Variants in ARL6IP6 observed in about 807,000 individuals in gnomAD.
ARL6IP6 encodes ARF like GTPase 6 interacting protein 6, also known as ADP-ribosylation factor-like protein 6-interacting protein 6.
Under a neutral mutation model 21.5 loss-of-function variants are expected in ARL6IP6, and 22 were observed. That is an observed-to-expected ratio of 1.02 (90% CI 0.73 to 1.46). ARL6IP6 has a LOEUF of 1.46. Ranked by LOEUF, ARL6IP6 falls within the 40% of genes most tolerant of loss-of-function variation. The probability of loss-of-function intolerance (pLI) is 0.00; values close to 1 mark genes in which losing one functional copy is unlikely to be tolerated. For synonymous variants in ARL6IP6, 164 were observed against 125.3 expected (o/e 1.31, Z -2.06); for missense variants, 388 against 299.8 (o/e 1.29, Z -2.17).
At chr2:152,758,034 G>A (rs1384648102) in intron 3 of ARL6IP6, among the ~76,000 whole-genome samples, 1 of 152,102 alleles carries the variant, frequency 6.6e-6, no homozygotes, top group Admixed American at 6.6e-5. Context: ...AACTTTATTG[G>A]GTGAGTACAG....
At chr2:152,732,569 T>G (rs1238628489) in intron 2 of ARL6IP6, 1 of 458,598 alleles carries the variant, frequency 2.2e-6, no homozygotes, top group Admixed American at 2.5e-5. Flanking sequence ...CCTTATGCTG[T>G]AAGTTGCAAA....
chr2:152,722,921 A>G (rs1699861103), intron 2 of ARL6IP6, among the ~76,000 whole-genome samples: 2 of 152,278 alleles, frequency 1.3e-5, no homozygotes, highest in South Asian at 4.1e-4. Context: ...ACAAAACAAA[A>G]GATTGAGGTA....
intron 2 of ARL6IP6, among the ~76,000 whole-genome samples, chr2:152,730,628 G>A (rs528076663): frequency 6.6e-6 from 1 of 152,250 alleles, no homozygotes; most frequent in South Asian, 2.1e-4. Flanking sequence ...TGAGGTGCTA[G>A]AGGTGGATAC....
At position 152,760,381 on chromosome 2, in the gene ARL6IP6, T is replaced by C. The variant is rs1440993877; in HGVS notation, c.*541T>C. 6.6e-6 allele frequency: 1 copy of C among 152,306 alleles called. No homozygotes were observed. Among genetic ancestry groups the C allele is most frequent in the African/African-American group, 2.4e-5 (1 of 41,442 alleles). 9.4% of individuals were successfully genotyped at this position (152,306 alleles called of 1,614,324 possible). Reference sequence around the variant, plus strand: ...TTAATAGAAGTTGCATTTATATTTTTTATGGGGCATAGTTCCTTATGTGTT... The same window carrying C: ...TTAATAGAAGTTGCATTTATATTTTCTATGGGGCATAGTTCCTTATGTGTT... On this transcript the variant is annotated 3_prime_UTR_variant, in exon 4 of 4. Coordinates refer to ENST00000326446, the MANE Select transcript of ARL6IP6 (RefSeq NM_152522.7).
chr2:152,726,534 T>A (rs1225516143), intron 2 of ARL6IP6, among the ~76,000 whole-genome samples: 1 of 152,196 alleles, frequency 6.6e-6, no homozygotes, highest in Non-Finnish European at 1.5e-5. Flanking sequence ...AAAATAATGG[T>A]CATCCTCTCA....
intron 3 of ARL6IP6, among the ~76,000 whole-genome samples, chr2:152,754,624 T>C (rs781630706): frequency 2.6e-5 from 4 of 152,220 alleles, no homozygotes; most frequent in Non-Finnish European, 4.4e-5. Context: ...TGTTTAACTT[T>C]TTAAGAAACC....
upstream of ARL6IP6, chr2:152,717,987 A>T (rs989329736): frequency 6.1e-5 from 61 of 998,982 alleles, no homozygotes; most frequent in Non-Finnish European, 6.6e-5. Context: ...CGATCTCCGT[A>T]CGCACCAGGT....
At chr2:152,742,411 T>A (rs1031078331) in intron 3 of ARL6IP6, among the ~76,000 whole-genome samples, 8 of 151,642 alleles carry the variant, frequency 5.3e-5, no homozygotes, top group Admixed American at 2.0e-4. Context: ...CTACAAAAAA[T>A]TTTAAAAAGT....
intron 1 of ARL6IP6, chr2:152,720,102 T>TGAATGTGCATG: frequency 2.9e-6 from 1 of 344,844 alleles, no homozygotes. Flanking sequence ...TGCCCTTTTT[T>TGAATGTGCATG]GCAATTCTGA....
At chr2:152,729,181 T>C (rs1036481046) in intron 2 of ARL6IP6, among the ~76,000 whole-genome samples, 9 of 152,014 alleles carry the variant, frequency 5.9e-5, no homozygotes, top group Non-Finnish European at 1.0e-4. Flanking sequence ...ACCAGCCTAG[T>C]CAAGATGGTG....
At chr2:152,756,128 T>G (rs898913205) in intron 3 of ARL6IP6, among the ~76,000 whole-genome samples, 8 of 152,210 alleles carry the variant, frequency 5.3e-5, no homozygotes. Flanking sequence ...GTGCTTTTGT[T>G]GTCATATCTA....
At chr2:152,731,457 C>T (rs1297043366) in intron 2 of ARL6IP6, among the ~76,000 whole-genome samples, 1 of 152,166 alleles carries the variant, frequency 6.6e-6, no homozygotes, top group African/African-American at 2.4e-5. Context: ...ATTCGTAAGT[C>T]ATCTGCTAGG....
At chr2:152,742,748 A>T (rs1001690012) in intron 3 of ARL6IP6, among the ~76,000 whole-genome samples, 14 of 152,170 alleles carry the variant, frequency 9.2e-5, no homozygotes, top group African/African-American at 3.1e-4. Flanking sequence ...ATTTCTAGGG[A>T]TGTCTTAAGA....
At chr2:152,720,453 C>A in intron 1 of ARL6IP6, 80 bp from the exon 2 acceptor site, 1 of 1,400,656 alleles carries the variant, frequency 7.1e-7, no homozygotes, top group Non-Finnish European at 1.0e-6. Context: ...TCCACAGCTC[C>A]ACAATGCCTT....
intron 3 of ARL6IP6, among the ~76,000 whole-genome samples, chr2:152,751,815 T>C (rs1393030146): frequency 6.6e-6 from 1 of 152,214 alleles, no homozygotes; most frequent in East Asian, 1.9e-4. Context: ...TTGACTATTG[T>C]GAATGGTGCT....
At chr2:152,755,354 G>T (rs1701533938) in intron 3 of ARL6IP6, among the ~76,000 whole-genome samples, 1 of 152,052 alleles carries the variant, frequency 6.6e-6, no homozygotes, top group African/African-American at 2.4e-5. Context: ...TCCACCTCTT[G>T]TGGAGGGCCT....
At chr2:152,754,581 A>C (rs933696620) in intron 3 of ARL6IP6, among the ~76,000 whole-genome samples, 2 of 152,164 alleles carry the variant, frequency 1.3e-5, no homozygotes, top group Admixed American at 1.3e-4. Context: ...ATATATACCT[A>C]GAGTGGAATT....
rs755318004 is a variant in ARL6IP6, at chr2:152,718,719, C to T, written c.95C>T (p.Thr32Ile). The part of the protein sequence containing the change: ...PVARPSYSSF[T>I]QGDSWGEGEV... ...GCTCGGCCATCGTATTCCTCCTTTA[C>T]TCAGGGGGACAGCTGGGGTGAAGGC... The change falls in exon 1 of 4, where the codon ACT becomes ATT. Residue 32 changes from threonine (T) to isoleucine (I), a missense_variant. Coordinates refer to ENST00000326446, the MANE Select transcript of ARL6IP6 (RefSeq NM_152522.7). 1.2e-6 allele frequency: 2 copies of T among 1,609,852 alleles called. No homozygotes were observed. Among genetic ancestry groups the T allele is most frequent in the Non-Finnish European group, 1.7e-6 (2 of 1,178,156 alleles).
Position 152,724,601 on chromosome 2 carries a change from G to T in ARL6IP6, c.454+4015G>T, listed in dbSNP as rs189675200. Among the ~76,000 whole-genome samples the T allele has an allele frequency of 1.1e-4, 16 of 152,260 alleles. No individual in the cohort carries two copies. In the East Asian group the frequency reaches 2.3e-3, roughly 22 times the overall value. ...AGCAGTAATAAGAACCAGACATTAG[G>T]ACCCCTAAATCTCAATAAATTGAGT... On this transcript the variant is annotated intron_variant, in intron 2 of 3. Coordinates refer to ENST00000326446, the MANE Select transcript of ARL6IP6 (RefSeq NM_152522.7).
Sources: allele counts gnomAD v4.1 joint callset (sites outside exome capture counted in the v4.1 genomes callset), GRCh38; gene constraint gnomAD v4.1.1; transcripts MANE v1.5; gene names NCBI Gene and HGNC (gene_info 2026-07-23, HGNC 2026-07-21).